The following CCBE1 variants were observed in gnomAD, a reference collection of about 807,000 sequenced individuals.
CCBE1 encodes the protein collagen and calcium binding EGF domains 1, also known as collagen and calcium-binding EGF domain-containing protein 1.
Under a neutral mutation model 50.0 loss-of-function variants are expected in CCBE1, and 37 were observed. The ratio of observed to expected loss-of-function variants is 0.74; its 90% CI spans 0.57 to 0.97. The LOEUF is 0.97. CCBE1 is among the 50% of genes least tolerant of loss of function. The pLI, the probability that CCBE1 is intolerant of heterozygous loss-of-function variation, is 0.00. For missense variants in CCBE1, 538 were observed against 523.8 expected, an observed-to-expected ratio of 1.03 and a Z score of -0.26; for synonymous variants, 234 against 203.7, an observed-to-expected ratio of 1.15 and a Z score of -1.27.
chr18:59,465,700 T>C (rs1911708828), intron 5 of CCBE1: 1 of 152,238 alleles, frequency 6.6e-6, no homozygotes, highest in South Asian at 2.1e-4. Flanking sequence ...TTTTATCCAA[T>C]TGTGAATCTT....
chr18:59,626,549 G>C (rs1004144065), intron 2 of CCBE1, among the ~76,000 whole-genome samples: 9 of 152,232 alleles, frequency 5.9e-5, no homozygotes, highest in African/African-American at 1.7e-4. Context: ...ACTGCTCTAA[G>C]AATTTCCCAA....
intron 2 of CCBE1, among the ~76,000 whole-genome samples, chr18:59,615,460 C>T (rs2144592616): frequency 1.3e-5 from 2 of 151,624 alleles, no homozygotes. Flanking sequence ...CCAATGTCAT[C>T]TGCCTTTTCC....
chr18:59,631,782 C>T (rs775615238), intron 2 of CCBE1, among the ~76,000 whole-genome samples: 1 of 152,182 alleles, frequency 6.6e-6, no homozygotes, highest in Non-Finnish European at 1.5e-5. Flanking sequence ...GGCAGCTCTG[C>T]ATCAGGGAGG....
intron 5 of CCBE1, among the ~76,000 whole-genome samples, chr18:59,460,391 G>C (rs1465972310): frequency 6.6e-6 from 1 of 152,180 alleles, no homozygotes; most frequent in Non-Finnish European, 1.5e-5. Context: ...TTATACTCAA[G>C]AATCACTCTC....
intron 2 of CCBE1, among the ~76,000 whole-genome samples, chr18:59,641,339 G>T (rs2053986976): frequency 6.6e-6 from 1 of 152,078 alleles, no homozygotes; most frequent in South Asian, 2.1e-4. Flanking sequence ...ACTAACACAG[G>T]AACAGAAAAC....
intron 2 of CCBE1, among the ~76,000 whole-genome samples, chr18:59,694,092 G>T (rs1423561993): frequency 6.6e-6 from 1 of 151,834 alleles, no homozygotes; most frequent in Non-Finnish European, 1.5e-5. Flanking sequence ...GAATGGTCTC[G>T]ATCTCTTGAC....
At chr18:59,481,443 TGA>T (rs1912566750) in intron 2 of CCBE1, among the ~76,000 whole-genome samples, 2 of 151,786 alleles carry the variant, frequency 1.3e-5, no homozygotes, top group Admixed American at 1.3e-4. Flanking sequence ...CAAAATTGAG[TGA>T]GAGACATAAA....
At position 59,550,961 on chromosome 18, in the gene CCBE1, C is replaced by CG. The variant is rs1181446729; in HGVS notation, c.213-70724dup. Among the ~76,000 whole-genome samples the CG allele has an allele frequency of 4.7e-4, 59 of 124,942 alleles. 1 individual carries two copies. The highest frequency in any genetic ancestry group is 1.8e-3 in the African/African-American group (57 of 32,260). The allele number at this position is 124,942 out of a possible 152,430, so 82.0% of individuals were successfully genotyped here. A position where few individuals can be genotyped will look rare whatever the true frequency, so the allele number is the denominator to read the frequency against. On this transcript the variant is annotated intron_variant, in intron 2 of 10. Transcript: ENST00000439986. ...CGGAGCTTGCACTGAGCTGAGATCG[C>CG]GCCACTGCACTCCAGCCTGGGCAAC...
chr18:59,567,098 G>A (rs963195043), intron 2 of CCBE1, among the ~76,000 whole-genome samples: 5 of 152,000 alleles, frequency 3.3e-5, no homozygotes, highest in African/African-American at 4.8e-5. Context: ...ATTGAAAGAG[G>A]TTTTAAACGC....
At chr18:59,481,869 G>A (rs1264989640) in intron 2 of CCBE1, among the ~76,000 whole-genome samples, 2 of 152,176 alleles carry the variant, frequency 1.3e-5, no homozygotes, top group Admixed American at 1.3e-4. Flanking sequence ...GGAATGAAGA[G>A]CATTATAAAC....
At chr18:59,595,114 C>CAAAAAAAAAAAAAAAAAAAA (rs546035209) in intron 2 of CCBE1, among the ~76,000 whole-genome samples, 14 of 73,582 alleles carry the variant, frequency 1.9e-4, no homozygotes, top group Admixed American at 1.1e-3. Flanking sequence ...GACTCTGTCT[C>CAAAAAAAAAAAAAAAAAAAA]AAAAAAAAAA....
chr18:59,508,857 T>C (rs892764524), intron 2 of CCBE1, among the ~76,000 whole-genome samples: 9 of 151,766 alleles, frequency 5.9e-5, no homozygotes, highest in East Asian at 2.0e-4. Context: ...GCTGGGACTA[T>C]TGGCATGTGC....
chr18:59,656,999 G>T (rs1323423244), intron 2 of CCBE1, among the ~76,000 whole-genome samples: 2 of 152,178 alleles, frequency 1.3e-5, no homozygotes, highest in Non-Finnish European at 2.9e-5. Context: ...TCCCCTGGGA[G>T]CAATGGAATG....
At chr18:59,641,010 C>T (rs28836872) in intron 2 of CCBE1, among the ~76,000 whole-genome samples, 4,678 of 152,206 alleles carry the variant, frequency 0.031, 244 homozygotes, top group African/African-American at 0.11. Flanking sequence ...GAAAAGGGAA[C>T]GCTCCTACAC....
intron 2 of CCBE1, among the ~76,000 whole-genome samples, chr18:59,487,640 C>T (rs1191340165): frequency 6.6e-6 from 1 of 152,142 alleles, no homozygotes; most frequent in Non-Finnish European, 1.5e-5. Context: ...ACCACCAAAA[C>T]CTGCCTATTT....
At chr18:59,506,178 G>A (rs1427354826) in intron 2 of CCBE1, among the ~76,000 whole-genome samples, 1 of 152,212 alleles carries the variant, frequency 6.6e-6, no homozygotes, top group Non-Finnish European at 1.5e-5. Flanking sequence ...AGGACACAGA[G>A]ACATGGAGAA....
At chr18:59,576,997 C>T (rs2053007290) in intron 2 of CCBE1, among the ~76,000 whole-genome samples, 1 of 152,170 alleles carries the variant, frequency 6.6e-6, no homozygotes, top group African/African-American at 2.4e-5. Flanking sequence ...CAAAAGAAAA[C>T]ATGGTACTAA....
At chr18:59,661,652 C>A (rs2054287389) in intron 2 of CCBE1, among the ~76,000 whole-genome samples, 1 of 152,104 alleles carries the variant, frequency 6.6e-6, no homozygotes, top group African/African-American at 2.4e-5. Context: ...ATGTATATTT[C>A]TGTTTAAAGA....
At chr18:59,684,308 G>A (rs2054629982) in intron 2 of CCBE1, among the ~76,000 whole-genome samples, 1 of 152,186 alleles carries the variant, frequency 6.6e-6, no homozygotes, top group South Asian at 2.1e-4. Context: ...AATTGGCCTG[G>A]CGTGGTGGCA....
Sources: allele counts gnomAD v4.1 joint callset (sites outside exome capture counted in the v4.1 genomes callset), GRCh38; gene constraint gnomAD v4.1.1; transcripts MANE v1.5; gene names NCBI Gene and HGNC (gene_info 2026-07-23, HGNC 2026-07-21).